Variants in SLC7A7 observed in about 807,000 individuals in gnomAD.
SLC7A7 encodes solute carrier family 7 member 7.
In SLC7A7, 39 loss-of-function variants were observed where a neutral mutation model predicts 47.9. That is an observed-to-expected ratio of 0.81 (90% CI 0.63 to 1.06). The LOEUF is 1.06. Ranked by LOEUF, SLC7A7 falls within the 50% of genes least tolerant of loss-of-function variation. The pLI, the probability that SLC7A7 is intolerant of heterozygous loss-of-function variation, is 0.00. For synonymous variants in SLC7A7, 234 were observed against 242.8 expected, an observed-to-expected ratio of 0.96 and a Z score of 0.34; for missense variants, 588 against 632.0, an observed-to-expected ratio of 0.93 and a Z score of 0.75.
chr14:22,791,194 T>G (rs1043499203), intron 2 of SLC7A7, among the ~76,000 whole-genome samples: 2 of 152,170 alleles, frequency 1.3e-5, no homozygotes, highest in African/African-American at 4.8e-5. Context: ...GGCATTTTTC[T>G]CCTTGCCTCT....
chr14:22,795,431 TTTCTTTC>T (rs1276873596), intron 2 of SLC7A7, among the ~76,000 whole-genome samples: 12 of 131,022 alleles, frequency 9.2e-5, no homozygotes, highest in African/African-American at 2.9e-4. Context: ...TCTTTCTTTC[TTTCTTTC>T]TTTCTTTTCT....
At position 22,778,051 on chromosome 14, in the gene SLC7A7, G is replaced by A. The variant is rs1019335647; in HGVS notation, c.770+742C>T. Among the ~76,000 whole-genome samples, 3 of 152,216 alleles carry A rather than the reference G, an allele frequency of 2.0e-5. No individual in the cohort carries two copies. The East Asian group carries it at 5.8e-4, about 29-fold the overall frequency. ...GATCACGCCATTGCACTCCAGCCTG[G>A]GAAATACAGCAAGACTCTCTCCAAA... On this transcript the variant is annotated intron_variant, in intron 4 of 9. Coordinates refer to ENST00000674313, the MANE Select transcript of SLC7A7 (RefSeq NM_003982.4).
chr14:22,806,587 A>G (rs1188903186), intron 2 of SLC7A7, among the ~76,000 whole-genome samples: 5 of 151,706 alleles, frequency 3.3e-5, no homozygotes, highest in Non-Finnish European at 7.4e-5. Flanking sequence ...CATCACCCAC[A>G]CCTGTCCAAG....
At chr14:22,817,780 A>T (rs970687775), upstream of SLC7A7, among the ~76,000 whole-genome samples, 1 of 152,078 alleles carries the variant, frequency 6.6e-6, no homozygotes, top group South Asian at 2.1e-4. Context: ...GCCACCTTAG[A>T]CCTTGCTTTT....
At chr14:22,795,544 G>A (rs997156189) in intron 2 of SLC7A7, among the ~76,000 whole-genome samples, 18 of 150,452 alleles carry the variant, frequency 1.2e-4, no homozygotes, top group Non-Finnish European at 2.2e-4. Context: ...GTGCAATCTC[G>A]GCTCACTGCA....
chr14:22,819,142 C>T (rs1420517938), upstream of SLC7A7, among the ~76,000 whole-genome samples: 9 of 152,152 alleles, frequency 5.9e-5, no homozygotes, highest in Admixed American at 2.6e-4. Flanking sequence ...CACAATTTCT[C>T]CAGGAACTAG....
At position 22,786,770 on chromosome 14, in the gene SLC7A7, C is replaced by CAA. The variant is rs1239386072; in HGVS notation, c.500-6721_500-6720dup. ...GCAACATTGTGAGAACACATCTCCA[C>CAA]AAAACATTTTTTTTAGTTAGCCAGA... is the stretch of plus-strand genomic sequence containing the variant. On this transcript the variant is annotated intron_variant, in intron 2 of 9. Transcript: ENST00000674313. Among the ~76,000 whole-genome samples the CAA allele has an allele frequency of 2.0e-5, 3 of 152,172 alleles. No individual in the cohort carries two copies. In the East Asian group the frequency reaches 5.8e-4, roughly 29 times the overall value.
chr14:22,794,594 G>A (rs1288085930), intron 2 of SLC7A7, among the ~76,000 whole-genome samples: 1 of 152,082 alleles, frequency 6.6e-6, no homozygotes, highest in Non-Finnish European at 1.5e-5. Flanking sequence ...CACCCCAGAG[G>A]TTCTGATGCA....
intron 2 of SLC7A7, among the ~76,000 whole-genome samples, chr14:22,796,942 C>A (rs565003946): frequency 6.6e-6 from 1 of 152,040 alleles, no homozygotes; most frequent in Non-Finnish European, 1.5e-5. Flanking sequence ...AGACAGCATG[C>A]GGAAGGTAAA....
chr14:22,817,402 C>CCT, upstream of SLC7A7: 4 of 162,174 alleles, frequency 2.5e-5, no homozygotes, highest in Non-Finnish European at 5.4e-5. Flanking sequence ...TGCAGTGGTG[C>CCT]AATCTCGGCT....
intron 8 of SLC7A7, 26 bp from the exon 9 acceptor site, chr14:22,774,142 A>T: frequency 1.9e-6 from 3 of 1,613,688 alleles, no homozygotes; most frequent in Non-Finnish European, 2.5e-6. Flanking sequence ...ACATAACTGG[A>T]GTGGACAACT....
upstream of SLC7A7, chr14:22,815,720 A>G: frequency 2.2e-6 from 1 of 452,310 alleles, no homozygotes; most frequent in Non-Finnish European, 4.4e-6. Flanking sequence ...GCCCTGGGGA[A>G]GCTGTCCCAG....
chr14:22,815,323 T>C lies in SLC7A7; in HGVS notation c.-46A>G. Reference sequence around the variant, plus strand: ...AGAGGGTGGAACGCACACTCACTCCTTGGTCCTGGATATAAGCAGGTTCTC... The same window carrying C: ...AGAGGGTGGAACGCACACTCACTCCCTGGTCCTGGATATAAGCAGGTTCTC... On this transcript the variant is annotated 5_prime_UTR_variant, in exon 1 of 10. Transcript: ENST00000674313. 1 of 453,942 alleles carries C rather than the reference T, an allele frequency of 2.2e-6. No individual in the cohort carries two copies. Among genetic ancestry groups the C allele is most frequent in the South Asian group, 1.6e-5 (1 of 64,458 alleles). The allele number at this position is 453,942 out of a possible 1,614,324, so 28.1% of individuals were successfully genotyped here. A position where few individuals can be genotyped will look rare whatever the true frequency, so the allele number is the denominator to read the frequency against.
Position 22,779,957 on chromosome 14 carries a change from G to T in SLC7A7, c.594C>A (p.Val198=). 6.2e-7 allele frequency: 1 copy of T among 1,614,118 alleles called. No homozygotes were observed. The highest frequency in any genetic ancestry group is 1.1e-5 in the South Asian group (1 of 91,046). ...TYAKVLALIA[V]IVAGIVRLGQ... ...CAAGTCTAACAATGCCTGCAACGATGACCGCGATCAGTGCCAATACTTTAG... is the reference window on the plus strand; with the variant it reads ...CAAGTCTAACAATGCCTGCAACGATTACCGCGATCAGTGCCAATACTTTAG... Residue 198 remains valine (V), a synonymous_variant, in exon 3 of 10, where the codon GTC becomes GTA. Transcript: ENST00000674313.
chr14:22,781,124 A>G (rs2038712168), intron 2 of SLC7A7, among the ~76,000 whole-genome samples: 1 of 151,954 alleles, frequency 6.6e-6, no homozygotes, highest in Non-Finnish European at 1.5e-5. Flanking sequence ...CTTAACTTTA[A>G]AGCCCTTCTC....
chr14:22,775,803 T>C (rs1345092128), intron 6 of SLC7A7, 30 bp downstream of exon 6: 3 of 1,492,090 alleles, frequency 2.0e-6, no homozygotes, highest in Admixed American at 1.7e-5. Context: ...CCTTTGATGA[T>C]ACACCCCTCA....
At chr14:22,790,955 G>A (rs1353975711) in intron 2 of SLC7A7, among the ~76,000 whole-genome samples, 1 of 144,044 alleles carries the variant, frequency 6.9e-6, no homozygotes, top group African/African-American at 2.6e-5. Flanking sequence ...CTAAGATCGC[G>A]CCACTGCACT....
At chr14:22,816,881 G>A (rs2039413842), upstream of SLC7A7, among the ~76,000 whole-genome samples, 1 of 151,976 alleles carries the variant, frequency 6.6e-6, no homozygotes, top group East Asian at 1.9e-4. Context: ...CAGAGATCAT[G>A]CTTCTCCCAA....
In SLC7A7 at chr14:22,775,697, G is replaced by A. The variant is rs187221631; in HGVS notation, c.998+136C>T. On this transcript the variant is annotated intron_variant, in intron 6 of 9. Transcript: ENST00000674313. ...GTATTAAGATTAATGACAACTGCAGGCTTCTGCTAGAAACAAGAAGAAAGA... is the reference window on the plus strand; with the variant it reads ...GTATTAAGATTAATGACAACTGCAGACTTCTGCTAGAAACAAGAAGAAAGA... 5.6e-5 allele frequency: 51 copies of A among 913,782 alleles called. 1 individual carries two copies. In the South Asian group the frequency reaches 6.6e-4, roughly 12 times the overall value. 56.6% of individuals were successfully genotyped at this position (913,782 alleles called of 1,614,324 possible).
Sources: allele counts gnomAD v4.1 joint callset (sites outside exome capture counted in the v4.1 genomes callset), GRCh38; gene constraint gnomAD v4.1.1; transcripts MANE v1.5; gene names NCBI Gene and HGNC (gene_info 2026-07-23, HGNC 2026-07-21).